The following DSCAM variants were observed in gnomAD, a reference collection of about 807,000 sequenced individuals.
The protein encoded by DSCAM is cell adhesion molecule DSCAM.
A neutral mutation model predicts 217.7 loss-of-function variants in DSCAM; 47 were observed. That is an observed-to-expected ratio of 0.22 (90% CI 0.17 to 0.28). The LOEUF is 0.28. DSCAM is among the 10% of genes least tolerant of loss of function. The pLI is 1.00. For missense variants in DSCAM, 2,080 were observed against 2,618.3 expected (o/e 0.79, Z 4.49); for synonymous variants, 1,056 against 1,015.3 (o/e 1.04, Z -0.76).
chr21:40,745,730 T>C (rs1033385825), intron 1 of DSCAM, among the ~76,000 whole-genome samples: 61 of 152,106 alleles, frequency 4.0e-4, no homozygotes, highest in African/African-American at 1.3e-3. Flanking sequence ...AATTCACTGG[T>C]AAAAGTAAGA....
intron 20 of DSCAM, among the ~76,000 whole-genome samples, chr21:40,095,221 C>T (rs1453300356): frequency 2.0e-5 from 3 of 152,140 alleles, no homozygotes; most frequent in Non-Finnish European, 4.4e-5. Flanking sequence ...ACGAGGAGAA[C>T]AGTACAGAGG....
chr21:40,742,960 C>T (rs915340205), intron 1 of DSCAM, among the ~76,000 whole-genome samples: 4 of 152,288 alleles, frequency 2.6e-5, no homozygotes, highest in South Asian at 2.1e-4. Flanking sequence ...ACCTGGCAAG[C>T]GGTAGTCAGA....
At chr21:40,547,915 C>T (rs1023862621) in intron 3 of DSCAM, among the ~76,000 whole-genome samples, 1 of 152,206 alleles carries the variant, frequency 6.6e-6, no homozygotes, top group African/African-American at 2.4e-5. Context: ...AGACACTGCG[C>T]AGTGTCCCGC....
At chr21:40,562,313 C>T (rs1247251287) in intron 3 of DSCAM, among the ~76,000 whole-genome samples, 2 of 152,172 alleles carry the variant, frequency 1.3e-5, no homozygotes, top group Admixed American at 1.3e-4. Flanking sequence ...CACATGCTCT[C>T]TCACCTTCTC....
chr21:40,627,208 C>A (rs979230574), intron 3 of DSCAM, among the ~76,000 whole-genome samples: 24 of 152,136 alleles, frequency 1.6e-4, no homozygotes, highest in Admixed American at 6.5e-5. Flanking sequence ...TAACCTGTGG[C>A]AAATAGAAGT....
intron 11 of DSCAM, among the ~76,000 whole-genome samples, chr21:40,215,602 AT>A (rs1449055679): frequency 2.0e-5 from 3 of 152,118 alleles, no homozygotes; most frequent in Admixed American, 6.5e-5. Context: ...GAGCTAAGCT[AT>A]AGGTATGCCA....
Position 40,658,019 on chromosome 21 carries a change from A to G in DSCAM, c.508+34791T>C, listed in dbSNP as rs539550847. Reference sequence around the variant, plus strand: ...ATTGGCCAGGTAAAGTTTCCCTTGGATATCTTTTAAGTGATATTGAGGTAT... The same window carrying G: ...ATTGGCCAGGTAAAGTTTCCCTTGGGTATCTTTTAAGTGATATTGAGGTAT... On this transcript the variant is annotated intron_variant, in intron 3 of 32. Coordinates refer to ENST00000400454, the MANE Select transcript of DSCAM (RefSeq NM_001389.5). Among the ~76,000 whole-genome samples, 3 of 152,348 alleles carry G rather than the reference A, an allele frequency of 2.0e-5. No individual in the cohort carries two copies. In the South Asian group the frequency reaches 6.2e-4, roughly 32 times the overall value.
intron 3 of DSCAM, among the ~76,000 whole-genome samples, chr21:40,658,379 C>G (rs1247079010): frequency 5.9e-5 from 9 of 152,206 alleles, no homozygotes; most frequent in Admixed American, 5.9e-4. Context: ...ATGTGCCTCT[C>G]AGGCTGCTTC....
chr21:40,641,832 G>A (rs1202346039), intron 3 of DSCAM, among the ~76,000 whole-genome samples: 3 of 151,990 alleles, frequency 2.0e-5, no homozygotes, highest in East Asian at 1.9e-4. Flanking sequence ...GGTGGATCAC[G>A]AGGTCAGGAG....
chr21:40,520,142 T>C (rs1568873398), intron 3 of DSCAM, among the ~76,000 whole-genome samples: 1 of 152,104 alleles, frequency 6.6e-6, no homozygotes, highest in Non-Finnish European at 1.5e-5. Flanking sequence ...TGAAGTAGAT[T>C]AGCTTGCAAT....
chr21:40,488,374 T>C (rs751590364), intron 3 of DSCAM, among the ~76,000 whole-genome samples: 1 of 152,196 alleles, frequency 6.6e-6, no homozygotes, highest in Non-Finnish European at 1.5e-5. Flanking sequence ...AAAGAGACGT[T>C]TGGTCTCTGG....
intron 11 of DSCAM, among the ~76,000 whole-genome samples, chr21:40,216,711 T>C (rs2091246732): frequency 6.6e-6 from 1 of 152,208 alleles, no homozygotes; most frequent in Admixed American, 6.5e-5. Context: ...GAGACTGTTG[T>C]CACAGCAGCA....
chr21:40,770,574 C>A (rs752524164), intron 1 of DSCAM, among the ~76,000 whole-genome samples: 7 of 152,178 alleles, frequency 4.6e-5, no homozygotes, highest in Non-Finnish European at 7.3e-5. Flanking sequence ...CAGCCCTTAC[C>A]GTCTTTCAGA....
At chr21:40,715,160 C>A (rs1325434813) in intron 1 of DSCAM, among the ~76,000 whole-genome samples, 2 of 152,196 alleles carry the variant, frequency 1.3e-5, no homozygotes, top group Admixed American at 1.3e-4. Flanking sequence ...AGAAAATGAA[C>A]CAAGACAACA....
At chr21:40,705,935 C>T (rs1163409230) in intron 2 of DSCAM, among the ~76,000 whole-genome samples, 1 of 152,122 alleles carries the variant, frequency 6.6e-6, no homozygotes, top group Non-Finnish European at 1.5e-5. Flanking sequence ...AATCCCAGCA[C>T]TTTGGGAGGC....
chr21:40,571,113 C>A (rs1214166180), intron 3 of DSCAM, among the ~76,000 whole-genome samples: 1 of 151,358 alleles, frequency 6.6e-6, no homozygotes, highest in African/African-American at 2.4e-5. Context: ...GAAAAGAAAT[C>A]TTAAAAGTAG....
At chr21:40,371,515 T>C (rs1382851147) in intron 3 of DSCAM, among the ~76,000 whole-genome samples, 1 of 151,890 alleles carries the variant, frequency 6.6e-6, no homozygotes. Context: ...GGTGGCAAAA[T>C]ACAAGTGGGA....
intron 1 of DSCAM, among the ~76,000 whole-genome samples, chr21:40,719,725 C>T (rs13052569): frequency 0.023 from 3,556 of 152,224 alleles, 59 homozygotes; most frequent in Non-Finnish European, 0.034. Flanking sequence ...CCATTTATAT[C>T]AAACATCAAA....
intron 28 of DSCAM, among the ~76,000 whole-genome samples, chr21:40,062,526 A>G (rs2089138638): frequency 6.6e-6 from 1 of 152,228 alleles, no homozygotes; most frequent in Non-Finnish European, 1.5e-5. Flanking sequence ...TCTGTTAGAA[A>G]GAAGGCTTGA....
Sources: allele counts gnomAD v4.1 joint callset (sites outside exome capture counted in the v4.1 genomes callset), GRCh38; gene constraint gnomAD v4.1.1; transcripts MANE v1.5; gene names NCBI Gene and HGNC (gene_info 2026-07-23, HGNC 2026-07-21).